The following CCDC141 variants were observed in gnomAD, a reference collection of about 807,000 sequenced individuals.
The protein encoded by CCDC141 is coiled-coil domain containing 141, also known as coiled-coil domain-containing protein 141.
A neutral mutation model predicts 181.0 loss-of-function variants in CCDC141; 168 were observed. The ratio of observed to expected loss-of-function variants is 0.93; its 90% CI spans 0.82 to 1.05. The LOEUF (loss-of-function observed/expected upper bound fraction) is 1.05, where lower values mean the gene tolerates loss of function less well. Ranked by LOEUF, CCDC141 falls within the 50% of genes least tolerant of loss-of-function variation. The probability of loss-of-function intolerance (pLI) is 0.00; values close to 1 mark genes in which losing one functional copy is unlikely to be tolerated. For missense variants in CCDC141, 1,902 were observed against 1,788.5 expected, an observed-to-expected ratio of 1.06 and a Z score of -1.14; for synonymous variants, 666 against 642.3, an observed-to-expected ratio of 1.04 and a Z score of -0.56.
intron 6 of CCDC141, among the ~76,000 whole-genome samples, chr2:178,923,399 C>G (rs1203825869): frequency 6.6e-6 from 1 of 152,146 alleles, no homozygotes; most frequent in East Asian, 1.9e-4. Context: ...CCACCGCGCC[C>G]GGCCCCACCA....
intron 3 of CCDC141, among the ~76,000 whole-genome samples, chr2:178,976,554 A>G (rs897338185): frequency 6.6e-6 from 1 of 152,184 alleles, no homozygotes; most frequent in Non-Finnish European, 1.5e-5. Flanking sequence ...GCTGCTGCCA[A>G]TCAGGGGCAG....
chr2:178,920,558 CAA>C (rs1279765992), intron 6 of CCDC141, among the ~76,000 whole-genome samples: 1 of 151,960 alleles, frequency 6.6e-6, no homozygotes, highest in African/African-American at 2.4e-5. Flanking sequence ...CCTGTCTCTA[CAA>C]AAAATGCAAA....
intron 7 of CCDC141, among the ~76,000 whole-genome samples, chr2:178,908,522 G>A (rs1397822997): frequency 6.6e-6 from 1 of 152,148 alleles, no homozygotes; most frequent in Non-Finnish European, 1.5e-5. Context: ...AATGCCTAAA[G>A]CAAAAATCTG....
intron 2 of CCDC141, among the ~76,000 whole-genome samples, chr2:178,988,236 G>A (rs922181568): frequency 4.7e-5 from 7 of 148,442 alleles, no homozygotes; most frequent in African/African-American, 7.4e-5. Context: ...ACCAAACACC[G>A]TATATTCTCA....
intron 2 of CCDC141, among the ~76,000 whole-genome samples, chr2:178,983,143 G>A (rs540847234): frequency 2.0e-3 from 306 of 152,300 alleles, no homozygotes; most frequent in Middle Eastern, 3.4e-3. Flanking sequence ...GCCTCCTCAA[G>A]TGGGTCCCTG....
At chr2:178,858,839 C>T (rs1313729352) in intron 17 of CCDC141, among the ~76,000 whole-genome samples, 1 of 152,056 alleles carries the variant, frequency 6.6e-6, no homozygotes, top group Non-Finnish European at 1.5e-5. Context: ...CTGTCATTAA[C>T]CTGATAACCA....
At chr2:178,890,884 A>G (rs1178035748) in intron 8 of CCDC141, among the ~76,000 whole-genome samples, 4 of 151,106 alleles carry the variant, frequency 2.6e-5, no homozygotes, top group Non-Finnish European at 5.9e-5. Context: ...CGCAACAGAC[A>G]TGCCACTTTG....
intron 5 of CCDC141, among the ~76,000 whole-genome samples, chr2:178,948,873 C>T (rs549090171): frequency 3.1e-4 from 47 of 152,180 alleles, no homozygotes; most frequent in Non-Finnish European, 6.2e-4. Context: ...TTTCAGCCAG[C>T]AGAATCATGG....
chr2:179,046,691 C>T (rs1164118897), intron 2 of CCDC141, among the ~76,000 whole-genome samples: 3 of 152,194 alleles, frequency 2.0e-5, no homozygotes, highest in African/African-American at 7.2e-5. Context: ...TGTATTTGCC[C>T]TGGGTCCCAC....
chr2:178,885,370 A>C (rs974503131), intron 10 of CCDC141, among the ~76,000 whole-genome samples: 1 of 152,230 alleles, frequency 6.6e-6, no homozygotes, highest in African/African-American at 2.4e-5. Context: ...TTTGGTATGA[A>C]AGGTTAGAAA....
chr2:178,853,759 TAAAG>T, intron 19 of CCDC141, 135 bp from the exon 20 acceptor site: 1 of 640,658 alleles, frequency 1.6e-6, no homozygotes, highest in Non-Finnish European at 2.6e-6. Flanking sequence ...TAAGTCATAA[TAAAG>T]AAAATATTAA....
intron 2 of CCDC141, among the ~76,000 whole-genome samples, chr2:179,003,446 A>C (rs1283468138): frequency 6.6e-6 from 1 of 152,230 alleles, no homozygotes; most frequent in Non-Finnish European, 1.5e-5. Flanking sequence ...ATAAAATATG[A>C]ACACTAATAA....
intron 2 of CCDC141, among the ~76,000 whole-genome samples, chr2:179,014,552 A>G (rs2042370012): frequency 6.6e-6 from 1 of 152,136 alleles, no homozygotes; most frequent in Non-Finnish European, 1.5e-5. Flanking sequence ...CAGAATCTAC[A>G]ATGAACTCAA....
intron 12 of CCDC141, 108 bp downstream of exon 12, chr2:178,877,856 C>T (rs1207011496): frequency 8.5e-6 from 9 of 1,057,932 alleles, no homozygotes; most frequent in Admixed American, 1.8e-5. Flanking sequence ...AAAGAGAACT[C>T]CCTAGGAGAG....
chr2:178,920,765 T>C (rs1205085651), intron 6 of CCDC141, among the ~76,000 whole-genome samples: 2 of 151,920 alleles, frequency 1.3e-5, no homozygotes, highest in Admixed American at 1.3e-4. Context: ...AATTAGCAGA[T>C]GTTAAGATAG....
Position 178,921,226 on chromosome 2 carries a change from C to T in CCDC141, c.898-2319G>A, listed in dbSNP as rs1290798596. ...CCCACTTAAGGAAAACTAATATGTG[C>T]CAAGATGTTCTTTCATAAAGCACTT... On this transcript the variant is annotated intron_variant, in intron 6 of 23. Transcript: ENST00000443758. Among the ~76,000 whole-genome samples the T allele has an allele frequency of 2.6e-5, 4 of 152,194 alleles. No homozygotes were observed. In the East Asian group the frequency reaches 7.7e-4, roughly 29 times the overall value.
Position 178,834,050 on chromosome 2 carries a change from A to G in CCDC141, c.*123T>C. The G allele has an allele frequency of 1.0e-6, 1 of 992,930 alleles. No homozygotes were observed. The highest frequency in any genetic ancestry group is 1.6e-5 in the South Asian group (1 of 60,810). The allele number at this position is 992,930 out of a possible 1,614,324, so 61.5% of individuals were successfully genotyped here. On this transcript the variant is annotated 3_prime_UTR_variant, in exon 24 of 24. Transcript: ENST00000443758. ...ACCTAGCAGTGGTATTAGCCAAACAAGTATGGTGATCAGACTGGAGATACA... is the reference window on the plus strand; with the variant it reads ...ACCTAGCAGTGGTATTAGCCAAACAGGTATGGTGATCAGACTGGAGATACA...
At chr2:178,893,799 T>TCACACACACA (rs56229236) in intron 8 of CCDC141, among the ~76,000 whole-genome samples, 1 of 143,638 alleles carries the variant, frequency 7.0e-6, no homozygotes. Context: ...TCTCTCTCTC[T>TCACACACACA]CACACACACA....
At chr2:178,987,109 C>G (rs1335140944) in intron 2 of CCDC141, among the ~76,000 whole-genome samples, 14 of 135,126 alleles carry the variant, frequency 1.0e-4, no homozygotes, top group African/African-American at 3.9e-4. Context: ...GGTACTGGTA[C>G]CAAAACAGAG....
Sources: gnomAD v4.1 joint callset for allele counts (sites outside exome capture counted in the v4.1 genomes callset) on GRCh38, gnomAD v4.1.1 for gene constraint, MANE v1.5 for transcripts, NCBI Gene and HGNC (gene_info 2026-07-23, HGNC 2026-07-21) for gene names.